The following PIK3CB variants were observed in gnomAD, a reference collection of about 807,000 sequenced individuals.
PIK3CB encodes phosphatidylinositol-4,5-bisphosphate 3-kinase catalytic subunit beta.
Under a neutral mutation model 136.8 loss-of-function variants are expected in PIK3CB, and 39 were observed. The ratio of observed to expected loss-of-function variants is 0.29; its 90% CI spans 0.22 to 0.37. The LOEUF (loss-of-function observed/expected upper bound fraction) is 0.37, where lower values mean the gene tolerates loss of function less well. PIK3CB is among the 10% of genes least tolerant of loss of function. The pLI is 1.00. For missense variants in PIK3CB, 868 were observed against 1,275.4 expected, an observed-to-expected ratio of 0.68 and a Z score of 4.87; for synonymous variants, 428 against 436.6, an observed-to-expected ratio of 0.98 and a Z score of 0.25.
chr3:138,705,159 A>AAAAAAAG (rs2044339210), intron 11 of PIK3CB, among the ~76,000 whole-genome samples: 1 of 100,058 alleles, frequency 1.0e-5, no homozygotes, highest in Non-Finnish European at 2.0e-5. Context: ...GAAAGGCAAA[A>AAAAAAAG]AAAAAAAAAA....
chr3:138,712,127 C>T (rs527242603), intron 10 of PIK3CB, 81 bp downstream of exon 10: 16 of 572,826 alleles, frequency 2.8e-5, no homozygotes, highest in African/African-American at 1.4e-4. Flanking sequence ...ATTGAAAGAA[C>T]GGTGATTCAT....
intron 2 of PIK3CB, among the ~76,000 whole-genome samples, chr3:138,781,344 T>G (rs1321855744): frequency 1.3e-5 from 2 of 150,514 alleles, no homozygotes; most frequent in African/African-American, 4.9e-5. Flanking sequence ...CTAGGCATGG[T>G]GGCTCATAGC....
intron 12 of PIK3CB, among the ~76,000 whole-genome samples, chr3:138,702,925 C>T (rs1576337750): frequency 6.6e-6 from 1 of 152,124 alleles, no homozygotes; most frequent in East Asian, 1.9e-4. Flanking sequence ...GATCCTATCA[C>T]ACCAGCCTCA....
chr3:138,657,044 G>A (rs1394876942), intron 22 of PIK3CB, among the ~76,000 whole-genome samples: 1 of 152,176 alleles, frequency 6.6e-6, no homozygotes, highest in African/African-American at 2.4e-5. Flanking sequence ...TGAGATTACA[G>A]GCATGACCTA....
chr3:138,710,067 T>C (rs577514240), intron 10 of PIK3CB, among the ~76,000 whole-genome samples: 44 of 147,196 alleles, frequency 3.0e-4, no homozygotes, highest in African/African-American at 1.1e-3. Flanking sequence ...CGTATGCCTA[T>C]AGTACCAGCT....
intron 7 of PIK3CB, 39 bp downstream of exon 7, chr3:138,734,595 G>A (rs2108643763): frequency 6.9e-7 from 1 of 1,447,686 alleles, no homozygotes. Flanking sequence ...ACAATCACAT[G>A]GCTTTTGGGG....
chr3:138,808,726 C>G (rs1279414392), intron 1 of PIK3CB, among the ~76,000 whole-genome samples: 1 of 151,610 alleles, frequency 6.6e-6, no homozygotes, highest in African/African-American at 2.4e-5. Context: ...CTCTCTCTCT[C>G]TCTCCTTTTC....
At chr3:138,735,466 T>C (rs1048182955) in intron 6 of PIK3CB, among the ~76,000 whole-genome samples, 1 of 152,136 alleles carries the variant, frequency 6.6e-6, no homozygotes. Context: ...ACTAAAGTCA[T>C]ACTTCAGCCA....
chr3:138,753,474 T>C (rs1482807290), intron 4 of PIK3CB, among the ~76,000 whole-genome samples: 4 of 152,064 alleles, frequency 2.6e-5, no homozygotes, highest in Admixed American at 1.3e-4. Flanking sequence ...TGAGTCAAGA[T>C]TGCACCACTG....
rs1028085319 is a variant in PIK3CB at position 138,829,969 on chromosome 3, A to G, written c.-122+4726T>C. The stretch of plus-strand genomic sequence containing the variant: ...TGAGAGGCAACAGCAGTTGACAACA[A>G]TTTACTTATTTTTAGTTTCTCTACT... On this transcript the variant is annotated intron_variant, in intron 1 of 23. Coordinates refer to ENST00000674063, the MANE Select transcript of PIK3CB (RefSeq NM_006219.3). 8.5e-5 allele frequency among the ~76,000 whole-genome samples: 13 copies of G among 152,174 alleles called. No individual in the cohort carries two copies. The South Asian group carries it at 2.5e-3, about 29-fold the overall frequency.
Position 138,688,890 on chromosome 3 carries a change from T to C in PIK3CB, c.2121A>G (p.Lys707=). The change falls in exon 16 of 24, where the codon AAA becomes AAG. Residue 707 remains lysine, a synonymous_variant. Coordinates refer to ENST00000674063, the MANE Select transcript of PIK3CB (RefSeq NM_006219.3). ...AYCRGSVGHM[K]VLSKQVEALN... The stretch of plus-strand genomic sequence containing the variant: ...AAGCTGATACCTGCTTAGAAAGCAC[T>C]TTCATGTGCCCCACACTTCCCCGGC... 1 of 1,611,806 alleles carries C rather than the reference T, an allele frequency of 6.2e-7. No homozygotes were observed. Among genetic ancestry groups the C allele is most frequent in the Non-Finnish European group, 8.5e-7 (1 of 1,177,940 alleles).
intron 1 of PIK3CB, among the ~76,000 whole-genome samples, chr3:138,831,728 C>T (rs1934046657): frequency 1.3e-5 from 2 of 152,130 alleles, no homozygotes; most frequent in African/African-American, 2.4e-5. Flanking sequence ...AGACTGAGAC[C>T]ATCCTGGCCA....
chr3:138,709,813 A>T (rs866171213), intron 10 of PIK3CB, among the ~76,000 whole-genome samples: 12 of 152,178 alleles, frequency 7.9e-5, no homozygotes, highest in Admixed American at 2.6e-4. Context: ...CTAAATTAAG[A>T]TTCTCAAGAA....
At chr3:138,657,983 G>A in intron 21 of PIK3CB, 148 bp from the exon 22 acceptor site, 1 of 630,970 alleles carries the variant, frequency 1.6e-6, no homozygotes, top group Non-Finnish European at 2.7e-6. Flanking sequence ...TGAGCCAGGT[G>A]AGAAGAGACC....
intron 1 of PIK3CB, among the ~76,000 whole-genome samples, chr3:138,819,064 C>A (rs549098766): frequency 2.0e-5 from 3 of 152,094 alleles, no homozygotes; most frequent in Non-Finnish European, 2.9e-5. Context: ...AACATCACTA[C>A]CGGGCCGGGC....
At chr3:138,810,752 A>G (rs574660471) in intron 1 of PIK3CB, among the ~76,000 whole-genome samples, 2 of 151,922 alleles carry the variant, frequency 1.3e-5, no homozygotes, top group East Asian at 3.9e-4. Context: ...CCCCAGCTCT[A>G]CTAAAAACAC....
intron 8 of PIK3CB, among the ~76,000 whole-genome samples, chr3:138,720,810 G>A (rs2044709671): frequency 6.6e-6 from 1 of 152,182 alleles, no homozygotes; most frequent in South Asian, 2.1e-4. Context: ...ATAGGTTGCA[G>A]TGAGCAGAGA....
chr3:138,771,087 G>A (rs533355040), intron 2 of PIK3CB, among the ~76,000 whole-genome samples: 8 of 152,228 alleles, frequency 5.3e-5, no homozygotes, highest in African/African-American at 1.9e-4. Flanking sequence ...ATGGGATCTT[G>A]ATTCATCTGG....
At chr3:138,680,637 A>G (rs183153738) in intron 19 of PIK3CB, among the ~76,000 whole-genome samples, 1 of 151,928 alleles carries the variant, frequency 6.6e-6, no homozygotes, top group African/African-American at 2.4e-5. Flanking sequence ...ATAGCACCCT[A>G]GACTGGATTA....
Sources: gnomAD v4.1 joint callset for allele counts (sites outside exome capture counted in the v4.1 genomes callset) on GRCh38, gnomAD v4.1.1 for gene constraint, MANE v1.5 for transcripts, NCBI Gene and HGNC (gene_info 2026-07-23, HGNC 2026-07-21) for gene names.